FAT3: variants seen among roughly 807,000 people sequenced by gnomAD.
FAT3 encodes FAT atypical cadherin 3.
FAT3 carries 95 observed loss-of-function variants against 310.2 expected under a neutral mutation model. The ratio of observed to expected loss-of-function variants is 0.31; its 90% CI spans 0.26 to 0.36. The LOEUF is 0.36. Ranked by LOEUF, FAT3 falls within the 10% of genes least tolerant of loss-of-function variation. The pLI is 1.00. For synonymous variants in FAT3, 2,314 were observed against 2,192.9 expected, an observed-to-expected ratio of 1.06 and a Z score of -1.54; for missense variants, 5,408 against 5,715.6, an observed-to-expected ratio of 0.95 and a Z score of 1.74.
intron 2 of FAT3, among the ~76,000 whole-genome samples, chr11:92,508,054 A>T (rs1591380318): frequency 6.6e-6 from 1 of 152,166 alleles, no homozygotes; most frequent in Non-Finnish European, 1.5e-5. Context: ...TTGTCATAAT[A>T]AATGTAGTTA....
Position 92,889,247 on chromosome 11 carries a change from A to T in FAT3, c.13110A>T (p.Glu4370Asp), listed in dbSNP as rs1949861259. 1 of 706,762 alleles carries T rather than the reference A, an allele frequency of 1.4e-6. No homozygotes were observed. The highest frequency in any genetic ancestry group is 2.1e-5 in the Admixed American group (1 of 48,646). 43.8% of individuals were successfully genotyped at this position (706,762 alleles called of 1,614,324 possible). A position where few individuals can be genotyped will look rare whatever the true frequency, so the allele number is the denominator to read the frequency against. The change falls in exon 26 of 28, where the codon GAA becomes GAT. Residue 4370 changes from glutamate to aspartate, a missense_variant and splice_region_variant. Glu to Asp is a conservative substitution (Grantham distance 45). This residue lies in a region of FAT3 where 649 missense variants were observed against 666.2 expected (regional missense o/e 0.97). Coordinates refer to ENST00000525166, the MANE Select transcript of FAT3 (RefSeq NM_001367949.2). ...ATGTAGTTGACACTATAGAGAATGA[A>T]GGTATTTACTTTTTTTCTTCCATAG... ...VNNVVDTIEN[E>D]VSVMDQGQNY... is the part of the protein sequence containing the mutation.
intron 1 of FAT3, among the ~76,000 whole-genome samples, chr11:92,284,344 T>C (rs1410209028): frequency 6.6e-6 from 1 of 151,538 alleles, no homozygotes; most frequent in African/African-American, 2.4e-5. Context: ...GAAAAGTAAA[T>C]TATGTCAGTA....
chr11:92,440,455 G>A (rs1951041249), intron 2 of FAT3, among the ~76,000 whole-genome samples: 1 of 152,186 alleles, frequency 6.6e-6, no homozygotes, highest in South Asian at 2.1e-4. Flanking sequence ...ACTACCTCTA[G>A]GAGCATTACT....
chr11:92,445,044 A>G (rs1374029920), intron 2 of FAT3, among the ~76,000 whole-genome samples: 2 of 152,188 alleles, frequency 1.3e-5, no homozygotes, highest in Non-Finnish European at 2.9e-5. Flanking sequence ...GGCACAGGAT[A>G]TGAAGACATG....
intron 1 of FAT3, among the ~76,000 whole-genome samples, chr11:92,237,018 T>TG (rs139074105): frequency 0.15 from 22,138 of 152,136 alleles, 1,957 homozygotes; most frequent in East Asian, 0.35. Context: ...TGAGGCCTGC[T>TG]GGGTAGCAGC....
intron 4 of FAT3, among the ~76,000 whole-genome samples, chr11:92,750,951 C>G (rs1355339439): frequency 6.6e-6 from 1 of 152,178 alleles, no homozygotes; most frequent in African/African-American, 2.4e-5. Flanking sequence ...AGTCTGAGAC[C>G]ACGTTCCACC....
intron 1 of FAT3, among the ~76,000 whole-genome samples, chr11:92,247,516 G>A (rs1864967836): frequency 6.6e-6 from 1 of 151,940 alleles, no homozygotes; most frequent in African/African-American, 2.4e-5. Context: ...ATACCTCTGT[G>A]TTGGTAACTT....
chr11:92,256,602 C>G (rs1032052118), intron 1 of FAT3, among the ~76,000 whole-genome samples: 6 of 152,034 alleles, frequency 3.9e-5, no homozygotes, highest in African/African-American at 1.2e-4. Flanking sequence ...CAAGCCCTTT[C>G]TAAATGCAAG....
intron 13 of FAT3, among the ~76,000 whole-genome samples, chr11:92,822,587 T>C (rs1947996612): frequency 6.6e-6 from 1 of 152,252 alleles, no homozygotes; most frequent in African/African-American, 2.4e-5. Flanking sequence ...GGCACGATTA[T>C]GTTGTCCATC....
intron 21 of FAT3, among the ~76,000 whole-genome samples, chr11:92,859,651 G>T (rs1479238516): frequency 6.6e-6 from 1 of 152,158 alleles, no homozygotes; most frequent in Admixed American, 6.5e-5. Flanking sequence ...CCTTTAAAAG[G>T]ATTGGCTGTA....
chr11:92,304,794 G>C (rs1325931700), intron 1 of FAT3, among the ~76,000 whole-genome samples: 1 of 152,056 alleles, frequency 6.6e-6, no homozygotes, highest in Non-Finnish European at 1.5e-5. Context: ...GAATAAATGG[G>C]GAGCTGGTGG....
intron 2 of FAT3, among the ~76,000 whole-genome samples, chr11:92,356,113 ATTAT>A (rs1948723344): frequency 6.6e-6 from 1 of 152,212 alleles, no homozygotes. Context: ...TACTTTTTAA[ATTAT>A]TCATTCATAG....
At chr11:92,634,489 G>A (rs1941683178) in intron 3 of FAT3, among the ~76,000 whole-genome samples, 2 of 152,138 alleles carry the variant, frequency 1.3e-5, no homozygotes, top group African/African-American at 4.8e-5. Flanking sequence ...CACTCAGCTG[G>A]ACAATTCTTG....
Position 92,450,151 on chromosome 11 carries a change from G to A in FAT3, c.3293-74483G>A, listed in dbSNP as rs1428118925. 2.6e-5 allele frequency among the ~76,000 whole-genome samples: 4 copies of A among 152,186 alleles called. No homozygotes were observed. The East Asian group carries it at 7.7e-4, about 29-fold the overall frequency. On this transcript the variant is annotated intron_variant, in intron 2 of 27. Transcript: ENST00000525166. ...CCCCTGCCTGACCTGCCTGTACTCA[G>A]CGTTGGCAGCCTCGTTGAGGTTTCA... is the stretch of plus-strand genomic sequence containing the variant.
chr11:92,811,467 T>G lies in FAT3; in HGVS notation c.9481+1391T>G, dbSNP rs555726256. Among the ~76,000 whole-genome samples, 189 of 152,268 alleles carry G rather than the reference T, an allele frequency of 1.2e-3. 2 individuals carry two copies. The highest frequency in any genetic ancestry group is 6.8e-3 in the Middle Eastern group (2 of 294). On this transcript the variant is annotated intron_variant, in intron 13 of 27. Coordinates refer to ENST00000525166, the MANE Select transcript of FAT3 (RefSeq NM_001367949.2). ...TCTGATTAGTGCACATGGTGTTTTT[T>G]GAAACATGAGGGGGTGGAGTGGGGT...
chr11:92,352,228 T>C lies in FAT3; in HGVS notation c.116T>C (p.Leu39Pro), dbSNP rs1372334080. ...VSQGLPGTGPLGFHFTHSIYN... is the reference protein window; with the variant it reads ...VSQGLPGTGPPGFHFTHSIYN... ...CAGGGGCTGCCAGGGACTGGACCCC[T>C]GGGCTTCCACTTCACACATTCCATT... The change falls in exon 2 of 28, where the codon CTG (leucine) becomes CCG (proline). Residue 39 changes from leucine to proline, a missense_variant. Leu to Pro is a moderately conservative substitution (Grantham distance 98, BLOSUM62 -3). Transcript: ENST00000525166. 7.2e-7 allele frequency: 1 copy of C among 1,387,424 alleles called. No individual in the cohort carries two copies. Among genetic ancestry groups the C allele is most frequent in the Non-Finnish European group, 9.7e-7 (1 of 1,035,600 alleles). The allele number at this position is 1,387,424 out of a possible 1,614,324, so 85.9% of individuals were successfully genotyped here.
intron 9 of FAT3, among the ~76,000 whole-genome samples, chr11:92,797,617 T>C (rs533344073): frequency 1.3e-5 from 2 of 152,334 alleles, no homozygotes; most frequent in East Asian, 3.9e-4. Context: ...TAGAAGTTAC[T>C]GATCTGAAAT....
Position 92,713,179 on chromosome 11 carries a change from G to T in FAT3, c.3669+15734G>T, listed in dbSNP as rs150797068. ...GAAATCATACGTGAAACTTTGAGAA[G>T]GAAGTTGCCCTTGACTACCACAACT... On this transcript the variant is annotated intron_variant, in intron 4 of 27. Transcript: ENST00000525166. 1.2e-4 allele frequency among the ~76,000 whole-genome samples: 18 copies of T among 152,320 alleles called. No homozygotes were observed. In the East Asian group the frequency reaches 2.7e-3, roughly 23 times the overall value.
intron 1 of FAT3, among the ~76,000 whole-genome samples, chr11:92,299,569 C>T (rs1054723427): frequency 1.3e-5 from 2 of 151,954 alleles, no homozygotes; most frequent in East Asian, 1.9e-4. Flanking sequence ...TTGACTGATC[C>T]GATGTCGAGC....
Sources: allele counts gnomAD v4.1 joint callset (sites outside exome capture counted in the v4.1 genomes callset), GRCh38; gene constraint gnomAD v4.1.1; regional missense constraint gnomAD v4.1.1; transcripts MANE v1.5; gene names NCBI Gene and HGNC (gene_info 2026-07-23, HGNC 2026-07-21).